CTNNA3: variants seen among roughly 807,000 people sequenced by gnomAD.
CTNNA3 encodes the protein catenin alpha-3.
A neutral mutation model predicts 95.7 loss-of-function variants in CTNNA3; 76 were observed. That is an observed-to-expected ratio of 0.79 (90% confidence interval 0.66 to 0.96). CTNNA3 has a LOEUF of 0.96. Ranked by LOEUF, CTNNA3 falls within the 40% of genes least tolerant of loss-of-function variation. The pLI is 0.00. For synonymous variants in CTNNA3, 431 were observed against 374.4 expected, an observed-to-expected ratio of 1.15 and a Z score of -1.74; for missense variants, 1,191 against 1,089.8, an observed-to-expected ratio of 1.09 and a Z score of -1.31.
intron 6 of CTNNA3, among the ~76,000 whole-genome samples, chr10:67,213,783 G>A (rs989066631): frequency 5.9e-5 from 9 of 151,620 alleles, no homozygotes; most frequent in Non-Finnish European, 1.5e-5. Context: ...TTTCTAGGTG[G>A]CCTGTATAAT....
intron 13 of CTNNA3, among the ~76,000 whole-genome samples, chr10:66,128,142 A>T (rs1312679950): frequency 6.6e-6 from 1 of 152,226 alleles, no homozygotes; most frequent in Non-Finnish European, 1.5e-5. Context: ...GGAACTAACA[A>T]GGTAGAACAT....
At chr10:66,713,170 G>A (rs1264289268) in intron 9 of CTNNA3, among the ~76,000 whole-genome samples, 5 of 152,136 alleles carry the variant, frequency 3.3e-5, no homozygotes, top group East Asian at 1.9e-4. Context: ...GCCTGTGCCC[G>A]CCCATATCTT....
chr10:66,227,781 G>A (rs1340683780), intron 13 of CTNNA3, among the ~76,000 whole-genome samples: 1 of 152,136 alleles, frequency 6.6e-6, no homozygotes, highest in African/African-American at 2.4e-5. Context: ...ATTTAGCAGT[G>A]AAGTCATCTG....
chr10:66,857,304 G>A (rs537566509), intron 7 of CTNNA3, among the ~76,000 whole-genome samples: 87 of 151,940 alleles, frequency 5.7e-4, no homozygotes, highest in Non-Finnish European at 1.0e-3. Context: ...GGTTACTGCA[G>A]CCTTGTGGTA....
intron 1 of CTNNA3, among the ~76,000 whole-genome samples, chr10:67,703,552 A>G (rs1041533960): frequency 1.1e-4 from 17 of 152,230 alleles, no homozygotes; most frequent in African/African-American, 3.4e-4. Context: ...AGATGCAGAA[A>G]AGGCTTTTGA....
intron 7 of CTNNA3, among the ~76,000 whole-genome samples, chr10:67,092,484 G>C (rs189392730): frequency 1.7e-4 from 26 of 152,002 alleles, no homozygotes; most frequent in Admixed American, 1.5e-3. Context: ...TCCAACAGAA[G>C]AGATTCTTGA....
intron 13 of CTNNA3, among the ~76,000 whole-genome samples, chr10:66,266,086 G>T (rs562386458): frequency 6.7e-6 from 1 of 149,778 alleles, no homozygotes; most frequent in South Asian, 2.1e-4. Flanking sequence ...AGAGAGGAAG[G>T]GGGGGAGAGA....
At chr10:67,456,183 C>T (rs544057976) in intron 5 of CTNNA3, among the ~76,000 whole-genome samples, 1 of 152,084 alleles carries the variant, frequency 6.6e-6, no homozygotes, top group South Asian at 2.1e-4. Flanking sequence ...AGAAAAATAA[C>T]CAAGCTAATA....
At chr10:66,649,330 C>T (rs1361561891) in intron 9 of CTNNA3, among the ~76,000 whole-genome samples, 2 of 152,074 alleles carry the variant, frequency 1.3e-5, no homozygotes, top group African/African-American at 2.4e-5. Flanking sequence ...AATATCCATG[C>T]ACAAACAAAA....
intron 7 of CTNNA3, among the ~76,000 whole-genome samples, chr10:66,889,939 C>G (rs753391885): frequency 6.6e-6 from 1 of 151,894 alleles, no homozygotes; most frequent in Non-Finnish European, 1.5e-5. Context: ...TACAGGCTCA[C>G]GCCACCACGC....
intron 1 of CTNNA3, among the ~76,000 whole-genome samples, chr10:67,755,718 C>T (rs1841428914): frequency 6.8e-6 from 1 of 147,422 alleles, no homozygotes; most frequent in South Asian, 2.2e-4. Flanking sequence ...AGGAGAATCA[C>T]TTGAACCAGG....
intron 17 of CTNNA3, among the ~76,000 whole-genome samples, chr10:65,963,481 C>T (rs543318009): frequency 1.3e-5 from 2 of 152,206 alleles, no homozygotes; most frequent in African/African-American, 4.8e-5. Context: ...ACTTATGAAG[C>T]TTTCTCTTGC....
intron 15 of CTNNA3, among the ~76,000 whole-genome samples, chr10:66,059,209 C>T (rs2080146227): frequency 1.3e-5 from 2 of 152,108 alleles, no homozygotes. Context: ...ATTGGCATCT[C>T]ATTTGGCTGA....
intron 7 of CTNNA3, among the ~76,000 whole-genome samples, chr10:66,925,394 C>T (rs564501689): frequency 1.3e-5 from 2 of 152,126 alleles, no homozygotes; most frequent in East Asian, 3.9e-4. Flanking sequence ...TCTCTTGATT[C>T]GTATCCTAAC....
chr10:66,955,379 A>G (rs1282611724), intron 7 of CTNNA3, among the ~76,000 whole-genome samples: 1 of 152,218 alleles, frequency 6.6e-6, no homozygotes, highest in Non-Finnish European at 1.5e-5. Flanking sequence ...ATAGAAATGT[A>G]TAATATCTTA....
At chr10:66,077,886 A>G (rs550213576) in intron 14 of CTNNA3, among the ~76,000 whole-genome samples, 1 of 151,900 alleles carries the variant, frequency 6.6e-6, no homozygotes, top group South Asian at 2.1e-4. Context: ...ATAATTATAT[A>G]TTGAAGGGTT....
At chr10:67,655,514 G>C (rs182811513) in intron 1 of CTNNA3, among the ~76,000 whole-genome samples, 2 of 152,274 alleles carry the variant, frequency 1.3e-5, no homozygotes, top group East Asian at 3.9e-4. Context: ...GGTCGCGTGC[G>C]GTGGCTCATG....
chr10:67,234,362 C>T (rs1404248807), intron 5 of CTNNA3, among the ~76,000 whole-genome samples: 20 of 152,140 alleles, frequency 1.3e-4, no homozygotes, highest in Middle Eastern at 3.2e-3. Flanking sequence ...GTTCAATATA[C>T]GCAAATCAAT....
At chr10:65,970,722 A>C (rs1436199236) in intron 16 of CTNNA3, among the ~76,000 whole-genome samples, 2 of 148,228 alleles carry the variant, frequency 1.3e-5, no homozygotes, top group African/African-American at 4.9e-5. Flanking sequence ...ATATTAAAAT[A>C]TAATATATAA....
Sources: allele counts gnomAD v4.1 joint callset (sites outside exome capture counted in the v4.1 genomes callset), GRCh38; gene constraint gnomAD v4.1.1; transcripts MANE v1.5; gene names NCBI Gene and HGNC (gene_info 2026-07-23, HGNC 2026-07-21).